The following WWOX variants were observed in gnomAD, a reference collection of about 807,000 sequenced individuals.
WWOX encodes WW domain-containing oxidoreductase.
A neutral mutation model predicts 46.2 loss-of-function variants in WWOX; 69 were observed. The ratio of observed to expected loss-of-function variants is 1.49; its 90% CI spans 1.23 to 1.82. The LOEUF is 1.82. WWOX is among the 40% of genes most tolerant of loss of function. WWOX has a pLI of 0.00. For synonymous variants in WWOX, 359 were observed against 202.6 expected, an observed-to-expected ratio of 1.77 and a Z score of -6.56; for missense variants, 919 against 542.6, an observed-to-expected ratio of 1.69 and a Z score of -6.89.
chr16:78,545,284 C>G (rs2044001314), intron 8 of WWOX, among the ~76,000 whole-genome samples: 1 of 152,132 alleles, frequency 6.6e-6, no homozygotes, highest in Non-Finnish European at 1.5e-5. Flanking sequence ...TGTATTGGTT[C>G]TAATCTCTGC....
chr16:78,885,728 G>A (rs1466705477), intron 8 of WWOX, among the ~76,000 whole-genome samples: 1 of 152,060 alleles, frequency 6.6e-6, no homozygotes, highest in Non-Finnish European at 1.5e-5. Context: ...AATGGCAGAA[G>A]ATGAAGGGGG....
chr16:79,054,719 A>C (rs1233871393), intron 8 of WWOX, among the ~76,000 whole-genome samples: 3 of 152,104 alleles, frequency 2.0e-5, no homozygotes, highest in Admixed American at 6.5e-5. Context: ...CTAGCTACTC[A>C]GGAAGGTGAG....
chr16:78,432,877 T>C, intron 8 of WWOX, 125 bp downstream of exon 8: 1 of 1,433,178 alleles, frequency 7.0e-7, no homozygotes, highest in East Asian at 2.3e-5. Flanking sequence ...GTCCAGCCCA[T>C]CATAAAGGGC....
At chr16:78,984,030 A>C (rs2046736105) in intron 8 of WWOX, among the ~76,000 whole-genome samples, 1 of 151,414 alleles carries the variant, frequency 6.6e-6, no homozygotes, top group Non-Finnish European at 1.5e-5. Context: ...GGCGCCTGCC[A>C]CCATGCCCGG....
chr16:78,818,413 G>C (rs1597664246), intron 8 of WWOX, among the ~76,000 whole-genome samples: 1 of 152,206 alleles, frequency 6.6e-6, no homozygotes, highest in East Asian at 1.9e-4. Context: ...TTGAAGTGCA[G>C]TAGAAAGCCC....
intron 8 of WWOX, among the ~76,000 whole-genome samples, chr16:79,141,668 A>G (rs532731914): frequency 6.6e-6 from 1 of 152,058 alleles, no homozygotes; most frequent in Admixed American, 6.5e-5. Flanking sequence ...ATTTGGCCAG[A>G]AGGAAGCAGT....
chr16:79,097,847 T>A (rs1335973115), intron 8 of WWOX, among the ~76,000 whole-genome samples: 2 of 152,162 alleles, frequency 1.3e-5, no homozygotes, highest in African/African-American at 4.8e-5. Context: ...ATCTGTTGAT[T>A]TTGACCATTG....
intron 8 of WWOX, among the ~76,000 whole-genome samples, chr16:78,760,821 T>C (rs2049773999): frequency 6.6e-6 from 1 of 152,184 alleles, no homozygotes; most frequent in Admixed American, 6.5e-5. Context: ...CTGTGCAATT[T>C]ACAAAAGAAA....
At chr16:78,906,157 A>T (rs2044958138) in intron 8 of WWOX, among the ~76,000 whole-genome samples, 1 of 152,174 alleles carries the variant, frequency 6.6e-6, no homozygotes, top group East Asian at 1.9e-4. Flanking sequence ...CCTCAGCGAA[A>T]CCTCAGCCAT....
chr16:78,760,359 G>A (rs1224951253), intron 8 of WWOX, among the ~76,000 whole-genome samples: 1 of 152,168 alleles, frequency 6.6e-6, no homozygotes, highest in African/African-American at 2.4e-5. Context: ...TATGAGATTT[G>A]GATGGGGACA....
rs113065271 is a variant in WWOX, at chr16:79,025,426, C to G, written c.1057-186182C>G. Among the ~76,000 whole-genome samples, 48 of 152,230 alleles carry G rather than the reference C, an allele frequency of 3.2e-4. 1 individual carries two copies. The highest frequency in any genetic ancestry group is 1.1e-3 in the African/African-American group (47 of 41,540). ...AGGTCATCTTGGGTGGACCCTAAAT[C>G]CAATGACAGGTGTTTTCAGCAGAGA... On this transcript the variant is annotated intron_variant, in intron 8 of 8. Coordinates refer to ENST00000566780, the MANE Select transcript of WWOX (RefSeq NM_016373.4).
chr16:78,824,600 T>A (rs1179256670), intron 8 of WWOX, among the ~76,000 whole-genome samples: 4 of 151,916 alleles, frequency 2.6e-5, no homozygotes, highest in Non-Finnish European at 5.9e-5. Flanking sequence ...GGCCTCAGAA[T>A]CATGGCAGGA....
At chr16:78,578,254 T>TTATACATATATATATATA (rs1555567047) in intron 8 of WWOX, among the ~76,000 whole-genome samples, 1 of 31,630 alleles carries the variant, frequency 3.2e-5, no homozygotes, top group Non-Finnish European at 6.0e-5. Context: ...ATACCAAATT[T>TTATACATATATATATATA]TATATATATA....
At chr16:78,164,885 T>C (rs991657786) in intron 5 of WWOX, among the ~76,000 whole-genome samples, 3 of 152,172 alleles carry the variant, frequency 2.0e-5, no homozygotes, top group African/African-American at 7.2e-5. Flanking sequence ...GTGGGGGGAA[T>C]GATAGCGTGA....
At chr16:78,170,839 G>A (rs1346878719) in intron 5 of WWOX, among the ~76,000 whole-genome samples, 1 of 151,714 alleles carries the variant, frequency 6.6e-6, no homozygotes. Context: ...AGAGAGATGA[G>A]GGGTAAAAAT....
At chr16:78,450,450 C>T (rs556598850) in intron 8 of WWOX, among the ~76,000 whole-genome samples, 1 of 151,998 alleles carries the variant, frequency 6.6e-6, no homozygotes, top group Non-Finnish European at 1.5e-5. Context: ...TCAGAGTGTC[C>T]AAGTAATCTG....
chr16:78,497,808 CATAA>C (rs923907675), intron 8 of WWOX, among the ~76,000 whole-genome samples: 1 of 149,830 alleles, frequency 6.7e-6, no homozygotes, highest in African/African-American at 2.4e-5. Context: ...GTTGTTTTAT[CATAA>C]ATAAATCAAT....
chr16:78,250,984 C>G (rs371059707), intron 5 of WWOX, among the ~76,000 whole-genome samples: 1 of 152,178 alleles, frequency 6.6e-6, no homozygotes, highest in South Asian at 2.1e-4. Context: ...GGACAAATCT[C>G]TGGGTTGGTC....
At chr16:79,149,313 G>T (rs939445918) in intron 8 of WWOX, among the ~76,000 whole-genome samples, 40 of 152,054 alleles carry the variant, frequency 2.6e-4, no homozygotes, top group African/African-American at 8.0e-4. Context: ...TTTTCCTTTA[G>T]CTTTTTGATA....
Sources: gnomAD v4.1 joint callset for allele counts (sites outside exome capture counted in the v4.1 genomes callset) on GRCh38, gnomAD v4.1.1 for gene constraint, MANE v1.5 for transcripts, NCBI Gene and HGNC (gene_info 2026-07-23, HGNC 2026-07-21) for gene names.